SLC66A2: variants seen among roughly 807,000 people sequenced by gnomAD.
SLC66A2 encodes solute carrier family 66 member 2.
A neutral mutation model predicts 25.5 loss-of-function variants in SLC66A2; 23 were observed. The observed-to-expected ratio is 0.90, with a 90% confidence interval of 0.65 to 1.28. The LOEUF (loss-of-function observed/expected upper bound fraction) is 1.28. Among genes scored for constraint, SLC66A2 ranks in the 50% most tolerant of loss-of-function variants. SLC66A2 has a pLI of 0.00. For synonymous variants in SLC66A2, 193 were observed against 166.5 expected, an observed-to-expected ratio of 1.16 and a Z score of -1.23; for missense variants, 396 against 373.1, an observed-to-expected ratio of 1.06 and a Z score of -0.51.
intron 5 of SLC66A2, among the ~76,000 whole-genome samples, chr18:79,914,752 A>T (rs1983741533): frequency 6.6e-6 from 1 of 152,244 alleles, no homozygotes; most frequent in South Asian, 2.1e-4. Context: ...GGCAGGGCCC[A>T]CAGGCCCAAA....
At chr18:79,939,353 A>G (rs1289235744) in intron 3 of SLC66A2, among the ~76,000 whole-genome samples, 1 of 152,226 alleles carries the variant, frequency 6.6e-6, no homozygotes, top group African/African-American at 2.4e-5. Flanking sequence ...GGTGAGGCTC[A>G]AGAATGTACT....
At chr18:79,934,964 T>C (rs560362299) in intron 3 of SLC66A2, among the ~76,000 whole-genome samples, 1 of 152,074 alleles carries the variant, frequency 6.6e-6, no homozygotes, top group South Asian at 2.1e-4. Context: ...AATTTGAGGG[T>C]TTTATAAACC....
chr18:79,907,415 G>A (rs1178414774), intron 5 of SLC66A2, among the ~76,000 whole-genome samples: 4 of 137,972 alleles, frequency 2.9e-5, no homozygotes, highest in Non-Finnish European at 4.6e-5. Flanking sequence ...GCAGTGGCGC[G>A]ATCTCAGCTC....
At chr18:79,922,616 T>C (rs1985383796) in intron 4 of SLC66A2, among the ~76,000 whole-genome samples, 1 of 151,888 alleles carries the variant, frequency 6.6e-6, no homozygotes, top group South Asian at 2.1e-4. Flanking sequence ...CTCTCAGAAA[T>C]TAGCAAATTA....
rs150340109 is a variant in SLC66A2, at chr18:79,919,322, G to T, written c.470C>A (p.Ala157Glu). The T allele has an allele frequency of 2.5e-6, 4 of 1,613,162 alleles. No homozygotes were observed. The highest frequency in any genetic ancestry group is 2.5e-6 in the Non-Finnish European group (3 of 1,180,016). The change falls in exon 5 of 6, where the codon GCG becomes GAG. Residue 157 changes from alanine (A) to glutamate (E), a missense_variant. Ala to Glu is a moderately radical substitution (Grantham distance 107, BLOSUM62 -1). Coordinates refer to ENST00000397778, the MANE Select transcript of SLC66A2 (RefSeq NM_025078.5). ...VQCVLAFTGV[A>E]GYITYLSIDS... ...AATGGACAGGTAGGTGATGTAGCCC[G>T]CCACGCCCGTGAAGGCCAGGACGCA...
Position 79,917,334 on chromosome 18 carries a change from C to T in SLC66A2, c.608+1850G>A, listed in dbSNP as rs1984322295. Among the ~76,000 whole-genome samples, 1 of 152,224 alleles carries T rather than the reference C, an allele frequency of 6.6e-6. No homozygotes were observed. The highest frequency in any genetic ancestry group is 2.4e-5 in the African/African-American group (1 of 41,460). On this transcript the variant is annotated intron_variant, in intron 5 of 5. Transcript: ENST00000397778. This position sits in a 1 kb window ranked among gnomAD's most constrained non-coding sequence, Gnocchi z 6.0. ...TGGAATCGAGAGCAACAGCTCCTGC[C>T]AAGCCTGGGGCCCCTGTGAGGTCAC... is the stretch of plus-strand genomic sequence containing the variant.
Position 79,918,883 on chromosome 18 carries a change from G to A in SLC66A2, c.608+301C>T, listed in dbSNP as rs189778266. On this transcript the variant is annotated intron_variant, in intron 5 of 5. Coordinates refer to ENST00000397778, the MANE Select transcript of SLC66A2 (RefSeq NM_025078.5). The surrounding 1 kb of genome is among the most constrained non-coding windows in gnomAD (Gnocchi z 4.0). ...GGTTGCCCTGCACTCCTCCTGCCCC[G>A]TCTGGCCAGGCACTCGGACATCCCT... Among the ~76,000 whole-genome samples the A allele has an allele frequency of 2.0e-4, 30 of 152,306 alleles. No individual in the cohort carries two copies. The highest frequency in any genetic ancestry group is 3.4e-3 in the Middle Eastern group (1 of 294).
chr18:79,944,687 G>A (rs941388878), intron 2 of SLC66A2: 2 of 152,436 alleles, frequency 1.3e-5, no homozygotes. Context: ...TGGCCTGAAG[G>A]GAATTTTCAA....
rs139757322 is a variant in SLC66A2 at position 79,938,758 on chromosome 18, C to T, written c.337+4571G>A. On this transcript the variant is annotated intron_variant, in intron 3 of 5. Transcript: ENST00000397778. ...ATGGCCCAATCTTGGCTCACTGCAA[C>T]CTCCACCTCCAGGGTTCAAGTGATT... is the stretch of plus-strand genomic sequence containing the variant. Among the ~76,000 whole-genome samples, 891 of 152,306 alleles carry T rather than the reference C, an allele frequency of 5.9e-3. 7 individuals are homozygous for T. Among genetic ancestry groups the T allele is most frequent in the African/African-American group, 0.02 (822 of 41,562 alleles).
At chr18:79,951,311 G>A (rs924204424) in intron 1 of SLC66A2, among the ~76,000 whole-genome samples, 2 of 151,684 alleles carry the variant, frequency 1.3e-5, no homozygotes, top group Admixed American at 1.3e-4. Context: ...CGCGCGCCCC[G>A]GGATGGGGTG....
At chr18:79,913,998 C>G (rs1004499229) in intron 5 of SLC66A2, among the ~76,000 whole-genome samples, 1 of 152,128 alleles carries the variant, frequency 6.6e-6, no homozygotes, top group Non-Finnish European at 1.5e-5. Flanking sequence ...AACCTCCGCC[C>G]CCCAGGTTCA....
chr18:79,950,622 A>C (rs920080722), intron 2 of SLC66A2, 102 bp downstream of exon 2: 22 of 1,113,492 alleles, frequency 2.0e-5, no homozygotes, highest in Non-Finnish European at 2.8e-5. Context: ...CTGGCCCAGC[A>C]GGGAGGTGTG....
chr18:79,923,231 G>A (rs1374049055), intron 4 of SLC66A2, among the ~76,000 whole-genome samples: 1 of 49,916 alleles, frequency 2.0e-5, no homozygotes, highest in Non-Finnish European at 4.9e-5. Context: ...GGGGGTGGAT[G>A]GGGGGGGGCC....
At chr18:79,935,206 G>C (rs1986960026) in intron 3 of SLC66A2, 1 of 152,328 alleles carries the variant, frequency 6.6e-6, no homozygotes, top group Non-Finnish European at 1.5e-5. Flanking sequence ...AGGTGTGACT[G>C]TGAACAGGCA....
At chr18:79,929,454 C>A (rs1396757478) in intron 4 of SLC66A2, among the ~76,000 whole-genome samples, 1 of 152,170 alleles carries the variant, frequency 6.6e-6, no homozygotes, top group Non-Finnish European at 1.5e-5. Flanking sequence ...GTCATCCTTC[C>A]CCCAAGTGGG....
rs541428874 is a variant in SLC66A2, at chr18:79,950,994, C to G, written c.-68G>C. Reference sequence around the variant, plus strand: ...CGCGGGCCACCGGCCGCCTGCTCATCGCCGCTCCGCGCGCTCCTGCGGCCT... The same window carrying G: ...CGCGGGCCACCGGCCGCCTGCTCATGGCCGCTCCGCGCGCTCCTGCGGCCT... On this transcript the variant is annotated 5_prime_UTR_variant, in exon 2 of 6. Transcript: ENST00000397778. 2 of 1,232,368 alleles carry G rather than the reference C, an allele frequency of 1.6e-6. No individual in the cohort carries two copies. Among genetic ancestry groups the G allele is most frequent in the Non-Finnish European group, 1.1e-6 (1 of 943,126 alleles). 76.3% of individuals were successfully genotyped at this position (1,232,368 alleles called of 1,614,324 possible).
intron 5 of SLC66A2, among the ~76,000 whole-genome samples, chr18:79,914,385 C>G (rs534282127): frequency 6.6e-6 from 1 of 152,228 alleles, no homozygotes; most frequent in Admixed American, 6.5e-5. Flanking sequence ...GGGGATACCA[C>G]GACGCCCCCA....
rs1220377707 is a variant in SLC66A2 at position 79,918,361 on chromosome 18, C to CA, written c.608+822dup. On this transcript the variant is annotated intron_variant, in intron 5 of 5. Transcript: ENST00000397778. The surrounding 1 kb of genome is among the most constrained non-coding windows in gnomAD (Gnocchi z 4.0). ...CAGACTCAAGCAACGTGTGGGGGCT[C>CA]AGGGTGTTCTCCGTGAGGAGCGGGC... 6.9e-6 allele frequency among the ~76,000 whole-genome samples: 1 copy of CA among 145,764 alleles called. No homozygotes were observed. Among genetic ancestry groups the CA allele is most frequent in the African/African-American group, 2.5e-5 (1 of 40,534 alleles).
chr18:79,929,807 C>T (rs1055665841), intron 4 of SLC66A2, among the ~76,000 whole-genome samples: 4 of 151,962 alleles, frequency 2.6e-5, no homozygotes, highest in African/African-American at 9.7e-5. Flanking sequence ...CAAAGCACAA[C>T]TAAAATTTTA....
Sources: gnomAD v4.1 joint callset for allele counts (sites outside exome capture counted in the v4.1 genomes callset) on GRCh38, gnomAD v4.1.1 for gene constraint, Gnocchi (gnomAD v3.1) non-coding constraint, MANE v1.5 for transcripts, NCBI Gene and HGNC (gene_info 2026-07-23, HGNC 2026-07-21) for gene names.